RPS6KA5: variants seen among roughly 807,000 people sequenced by gnomAD.
The protein encoded by RPS6KA5 is ribosomal protein S6 kinase A5.
A neutral mutation model predicts 85.5 loss-of-function variants in RPS6KA5; 27 were observed. The observed-to-expected ratio is 0.32, with a 90% CI of 0.23 to 0.44. RPS6KA5 has a LOEUF of 0.44. RPS6KA5 is among the 20% of genes least tolerant of loss of function. The probability of loss-of-function intolerance (pLI) is 1.00; values close to 1 mark genes in which losing one functional copy is unlikely to be tolerated. For missense variants in RPS6KA5, 811 were observed against 980.9 expected, an observed-to-expected ratio of 0.83 and a Z score of 2.31; for synonymous variants, 334 against 348.2, an observed-to-expected ratio of 0.96 and a Z score of 0.46.
In RPS6KA5 at chr14:90,920,294, T is replaced by C; in HGVS notation, c.718A>G (p.Ser240Gly). Residue 240 changes from serine to glycine, a missense_variant, in exon 7 of 17, where the codon AGT becomes GGT. Coordinates refer to ENST00000614987, the MANE Select transcript of RPS6KA5 (RefSeq NM_004755.4). ...AATTCATACATTAGAACACCCAAACTCCACCAGTCAACTGCCTATAAAACA... is the reference window on the plus strand; with the variant it reads ...AATTCATACATTAGAACACCCAAACCCCACCAGTCAACTGCCTATAAAACA... Reference protein sequence around the residue: ...SGHDKAVDWWSLGVLMYELLT... With the variant: ...SGHDKAVDWWGLGVLMYELLT... 1 of 1,606,840 alleles carries C rather than the reference T, an allele frequency of 6.2e-7. No homozygotes were observed. Among genetic ancestry groups the C allele is most frequent in the Non-Finnish European group, 8.5e-7 (1 of 1,174,206 alleles).
At chr14:90,935,728 T>C (rs2037218902) in intron 5 of RPS6KA5, among the ~76,000 whole-genome samples, 2 of 152,348 alleles carry the variant, frequency 1.3e-5, no homozygotes, top group Admixed American at 6.5e-5. Context: ...ACAGATACTC[T>C]GTACTGTTCA....
intron 5 of RPS6KA5, among the ~76,000 whole-genome samples, chr14:90,931,384 CG>C (rs145521717): frequency 0.01 from 1,556 of 151,500 alleles, 21 homozygotes; most frequent in African/African-American, 0.036. Context: ...GGTTAGGGGA[CG>C]GGGGAAAAGG....
intron 14 of RPS6KA5, among the ~76,000 whole-genome samples, chr14:90,886,753 G>A (rs2034253181): frequency 6.6e-6 from 1 of 152,174 alleles, no homozygotes; most frequent in Non-Finnish European, 1.5e-5. Flanking sequence ...GTGGTATTCT[G>A]TTACAGCAGC....
chr14:91,013,761 G>A (rs909698581), intron 1 of RPS6KA5, among the ~76,000 whole-genome samples: 3 of 152,178 alleles, frequency 2.0e-5, no homozygotes, highest in Admixed American at 6.5e-5. Flanking sequence ...CAGCAGCAGC[G>A]TGGAAAACAA....
chr14:90,898,635 C>T (rs1221250450), intron 12 of RPS6KA5, among the ~76,000 whole-genome samples: 1 of 152,162 alleles, frequency 6.6e-6, no homozygotes, highest in African/African-American at 2.4e-5. Context: ...TGCTCTTGTG[C>T]CTCCAAGTTG....
At chr14:90,876,879 T>C (rs866048713) in intron 14 of RPS6KA5, among the ~76,000 whole-genome samples, 17 of 152,314 alleles carry the variant, frequency 1.1e-4, no homozygotes, top group Middle Eastern at 6.8e-3. Context: ...CCATCTTTCT[T>C]TTCTGGTCAC....
At chr14:91,060,258 C>A (rs971959106) in intron 1 of RPS6KA5, 74 bp downstream of exon 1, 6 of 1,005,090 alleles carry the variant, frequency 6.0e-6, no homozygotes, top group Middle Eastern at 4.7e-4. Context: ...CGCCCCCAGC[C>A]CCGCGCGGGC....
At chr14:90,880,487 T>C (rs1320599865) in intron 14 of RPS6KA5, among the ~76,000 whole-genome samples, 1 of 152,252 alleles carries the variant, frequency 6.6e-6, no homozygotes, top group Non-Finnish European at 1.5e-5. Context: ...TATTCCAGTG[T>C]ATGTATACAG....
chr14:90,916,120 A>G (rs1382009192), intron 7 of RPS6KA5, among the ~76,000 whole-genome samples: 2 of 152,188 alleles, frequency 1.3e-5, no homozygotes, highest in Admixed American at 1.3e-4. Context: ...GACCAAAATT[A>G]ACATTCAGAA....
At chr14:90,976,716 T>C (rs955038199) in intron 3 of RPS6KA5, among the ~76,000 whole-genome samples, 8 of 152,016 alleles carry the variant, frequency 5.3e-5, no homozygotes, top group South Asian at 2.1e-4. Flanking sequence ...ACTGGAACAA[T>C]AGGCAAATGA....
chr14:90,899,445 T>G (rs774773910), intron 11 of RPS6KA5, 23 bp from the exon 12 acceptor site: 1 of 1,531,716 alleles, frequency 6.5e-7, no homozygotes, highest in South Asian at 1.1e-5. Context: ...ACACTTAGCA[T>G]CCACATGTCT....
intron 2 of RPS6KA5, among the ~76,000 whole-genome samples, chr14:90,991,701 CAAA>C (rs57545603): frequency 2.3e-5 from 2 of 86,018 alleles, no homozygotes; most frequent in Admixed American, 1.4e-4. Flanking sequence ...GACTCCATCT[CAAA>C]AAAAAAAAAA....
intron 14 of RPS6KA5, among the ~76,000 whole-genome samples, chr14:90,889,584 A>C (rs2034438866): frequency 6.6e-6 from 1 of 152,178 alleles, no homozygotes; most frequent in Non-Finnish European, 1.5e-5. Flanking sequence ...AAACACAAAC[A>C]CATATATAAA....
In RPS6KA5 at chr14:91,060,573, T is replaced by A; in HGVS notation, c.-139A>T. On this transcript the variant is annotated 5_prime_UTR_variant, in exon 1 of 17. Transcript: ENST00000614987. ...CAGAACTCGGACGCAAAGACGAGTC[T>A]CTTTCCCGCTCTGGCCGCACGGCTC... 2.7e-6 allele frequency: 3 copies of A among 1,096,120 alleles called. No homozygotes were observed. Among genetic ancestry groups the A allele is most frequent in the Non-Finnish European group, 2.3e-6 (2 of 861,292 alleles). 67.9% of individuals were successfully genotyped at this position (1,096,120 alleles called of 1,614,324 possible).
intron 4 of RPS6KA5, among the ~76,000 whole-genome samples, chr14:90,944,631 T>C (rs2037770687): frequency 1.3e-5 from 2 of 152,044 alleles, no homozygotes; most frequent in Non-Finnish European, 2.9e-5. Context: ...GGCACATGCC[T>C]GTAATCCCAG....
chr14:91,048,167 C>T (rs1384391113), intron 1 of RPS6KA5, among the ~76,000 whole-genome samples: 1 of 151,990 alleles, frequency 6.6e-6, no homozygotes, highest in Non-Finnish European at 1.5e-5. Context: ...CTTGAAGCTA[C>T]CTAAATTGTA....
At chr14:90,979,716 C>T (rs993076782) in intron 2 of RPS6KA5, among the ~76,000 whole-genome samples, 7 of 152,214 alleles carry the variant, frequency 4.6e-5, no homozygotes, top group Non-Finnish European at 5.9e-5. Flanking sequence ...AAGGACTTGC[C>T]GATGCCCGGC....
chr14:91,019,124 A>G (rs1453901202), intron 1 of RPS6KA5, among the ~76,000 whole-genome samples: 20 of 152,080 alleles, frequency 1.3e-4, no homozygotes, highest in Non-Finnish European at 1.5e-5. Context: ...GAAATTAAGC[A>G]AGGCCTAAGG....
chr14:91,045,938 A>C (rs1414254977), intron 1 of RPS6KA5, among the ~76,000 whole-genome samples: 5 of 151,960 alleles, frequency 3.3e-5, no homozygotes, highest in Non-Finnish European at 7.4e-5. Context: ...GTGCCAAGCC[A>C]TTTCCCATTG....
Sources: allele counts gnomAD v4.1 joint callset (sites outside exome capture counted in the v4.1 genomes callset), GRCh38; gene constraint gnomAD v4.1.1; transcripts MANE v1.5; gene names NCBI Gene and HGNC (gene_info 2026-07-23, HGNC 2026-07-21).